MGAT4C: variants seen among roughly 807,000 people sequenced by gnomAD.
The protein encoded by MGAT4C is MGAT4 family member C, also known as alpha-1,3-mannosyl-glycoprotein 4-beta-N-acetylglucosaminyltransferase C.
In MGAT4C, 19 loss-of-function variants were observed where a neutral mutation model predicts 40.1. That is an observed-to-expected ratio of 0.47 (90% CI 0.33 to 0.70). MGAT4C has a LOEUF of 0.70. Among genes scored for constraint, MGAT4C ranks in the 30% least tolerant of loss-of-function variants. The pLI, the probability that MGAT4C is intolerant of heterozygous loss-of-function variation, is 0.02. For synonymous variants in MGAT4C, 181 were observed against 187.1 expected, an observed-to-expected ratio of 0.97 and a Z score of 0.27; for missense variants, 491 against 563.2, an observed-to-expected ratio of 0.87 and a Z score of 1.30.
intron 4 of MGAT4C, among the ~76,000 whole-genome samples, chr12:86,263,037 G>T (rs997615749): frequency 1.8e-4 from 27 of 152,052 alleles, no homozygotes; most frequent in African/African-American, 6.5e-4. Context: ...AAAGGTGAAA[G>T]CTTTCTTTTC....
chr12:86,334,256 T>C (rs1033917453), intron 3 of MGAT4C: 1 of 152,122 alleles, frequency 6.6e-6, no homozygotes, highest in African/African-American at 2.4e-5. Flanking sequence ...GTAAATGTGG[T>C]CTTTTCAAAT....
At chr12:86,767,581 C>T (rs1301321455) in intron 1 of MGAT4C, among the ~76,000 whole-genome samples, 1 of 152,082 alleles carries the variant, frequency 6.6e-6, no homozygotes, top group African/African-American at 2.4e-5. Flanking sequence ...AATTTGAGAC[C>T]AATATCCTTG....
chr12:86,635,601 A>G (rs1011181151), intron 2 of MGAT4C, among the ~76,000 whole-genome samples: 1 of 151,944 alleles, frequency 6.6e-6, no homozygotes, highest in African/African-American at 2.4e-5. Flanking sequence ...CAGATATACC[A>G]TGGTAGTTCC....
chr12:86,577,959 T>C (rs569281753), intron 2 of MGAT4C, among the ~76,000 whole-genome samples: 2 of 151,912 alleles, frequency 1.3e-5, no homozygotes, highest in African/African-American at 2.4e-5. Flanking sequence ...ATGGTCACAG[T>C]TCTCTTGCTG....
chr12:86,432,473 T>C (rs939452119), intron 3 of MGAT4C, among the ~76,000 whole-genome samples: 2 of 151,880 alleles, frequency 1.3e-5, no homozygotes, highest in Admixed American at 6.6e-5. Flanking sequence ...AAAATATTTA[T>C]CAGGCAGAGG....
chr12:86,617,071 T>G (rs1962475500), intron 2 of MGAT4C, among the ~76,000 whole-genome samples: 1 of 152,182 alleles, frequency 6.6e-6, no homozygotes, highest in Admixed American at 6.5e-5. Context: ...TTAAAAATAT[T>G]TACTATTCCC....
intron 2 of MGAT4C, among the ~76,000 whole-genome samples, chr12:86,482,445 A>G (rs1957953747): frequency 6.6e-6 from 1 of 151,960 alleles, no homozygotes. Flanking sequence ...TTTATTTTTA[A>G]TTATATATAT....
In MGAT4C at chr12:86,206,005, C is replaced by T. The variant is rs139019201; in HGVS notation, c.-57+50234G>A. 9.9e-5 allele frequency among the ~76,000 whole-genome samples: 15 copies of T among 151,632 alleles called. No homozygotes were observed. The East Asian group carries it at 2.1e-3, about 22-fold the overall frequency. Reference sequence around the variant, plus strand: ...CTTTCTTCCATTTAGATTATGTGGGCAGGTCTGTGGGGGTAGTACAGAAGG... The same window carrying T: ...CTTTCTTCCATTTAGATTATGTGGGTAGGTCTGTGGGGGTAGTACAGAAGG... On this transcript the variant is annotated intron_variant, in intron 1 of 4. Coordinates refer to ENST00000611864, the MANE Select transcript of MGAT4C (RefSeq NM_001351288.2).
chr12:86,829,167 A>C (rs1472271911), intron 1 of MGAT4C, among the ~76,000 whole-genome samples: 1 of 151,632 alleles, frequency 6.6e-6, no homozygotes, highest in Non-Finnish European at 1.5e-5. Context: ...ATCATATATA[A>C]TACACAATAG....
chr12:86,674,385 A>C (rs1021689385), intron 2 of MGAT4C, among the ~76,000 whole-genome samples: 2 of 152,166 alleles, frequency 1.3e-5, no homozygotes, highest in African/African-American at 4.8e-5. Flanking sequence ...GTGCACCATA[A>C]GATAGTTTTT....
At chr12:86,040,234 G>A (rs1367771206) in intron 2 of MGAT4C, among the ~76,000 whole-genome samples, 8 of 152,214 alleles carry the variant, frequency 5.3e-5, no homozygotes, top group African/African-American at 1.9e-4. Context: ...AGGTGGCAGT[G>A]TATCCCTTAT....
At chr12:86,383,545 G>A (rs1287068385) in intron 3 of MGAT4C, among the ~76,000 whole-genome samples, 23 of 64,488 alleles carry the variant, frequency 3.6e-4, no homozygotes, top group Non-Finnish European at 4.2e-4. Context: ...GCGACACTTC[G>A]TCTCAAAAAA....
At chr12:86,252,707 TA>T (rs143271165) in intron 1 of MGAT4C, among the ~76,000 whole-genome samples, 10,781 of 151,828 alleles carry the variant, frequency 0.071, 929 homozygotes, top group East Asian at 0.25. Context: ...TTAATTAAAA[TA>T]AAAAAATTCT....
intron 2 of MGAT4C, among the ~76,000 whole-genome samples, chr12:86,030,329 G>C (rs1045442446): frequency 6.6e-6 from 1 of 151,702 alleles, no homozygotes; most frequent in African/African-American, 2.4e-5. Context: ...TTGTGGAATT[G>C]AAAAGACGAC....
At chr12:86,123,005 T>G in intron 1 of MGAT4C, among the ~76,000 whole-genome samples, 1 of 152,160 alleles carries the variant, frequency 6.6e-6, no homozygotes, top group Middle Eastern at 3.2e-3. Flanking sequence ...CTTTTGGTTG[T>G]ATCTAGACAA....
intron 2 of MGAT4C, among the ~76,000 whole-genome samples, chr12:86,636,220 C>A (rs1346468318): frequency 6.6e-6 from 1 of 151,960 alleles, no homozygotes; most frequent in African/African-American, 2.4e-5. Context: ...GAATCTAACC[C>A]CTTTATTAAG....
chr12:86,317,252 G>A (rs1339281669), intron 4 of MGAT4C, among the ~76,000 whole-genome samples: 1 of 152,072 alleles, frequency 6.6e-6, no homozygotes, highest in African/African-American at 2.4e-5. Flanking sequence ...ACAGATGGCA[G>A]AGGCTGTGTG....
At chr12:86,094,413 T>G (rs2135578417) in intron 1 of MGAT4C, among the ~76,000 whole-genome samples, 1 of 152,256 alleles carries the variant, frequency 6.6e-6, no homozygotes, top group South Asian at 2.1e-4. Flanking sequence ...TGACAAAAAC[T>G]GTTGTATCTT....
intron 3 of MGAT4C, among the ~76,000 whole-genome samples, chr12:85,986,206 C>T (rs948463563): frequency 2.6e-5 from 4 of 152,174 alleles, no homozygotes; most frequent in African/African-American, 9.7e-5. Context: ...AGTCACCTAC[C>T]TGAACAGCCA....
Sources: allele counts gnomAD v4.1 joint callset (sites outside exome capture counted in the v4.1 genomes callset), GRCh38; gene constraint gnomAD v4.1.1; transcripts MANE v1.5; gene names NCBI Gene and HGNC (gene_info 2026-07-23, HGNC 2026-07-21).